Variants in DLC1 observed in about 807,000 individuals in gnomAD.
DLC1 encodes the protein DLC1 Rho GTPase activating protein, also known as rho GTPase-activating protein 7.
A neutral mutation model predicts 140.3 loss-of-function variants in DLC1; 54 were observed. The observed-to-expected ratio is 0.38, with a 90% CI of 0.31 to 0.48. The LOEUF (loss-of-function observed/expected upper bound fraction) is 0.48. Ranked by LOEUF, DLC1 falls within the 20% of genes least tolerant of loss-of-function variation. DLC1 has a pLI of 0.96. For synonymous variants in DLC1, 986 were observed against 728.1 expected (o/e 1.35, Z -5.70); for missense variants, 2,536 against 1,907.0 (o/e 1.33, Z -6.14).
At chr8:13,168,699 A>T (rs1825262705) in intron 5 of DLC1, among the ~76,000 whole-genome samples, 1 of 152,224 alleles carries the variant, frequency 6.6e-6, no homozygotes, top group Non-Finnish European at 1.5e-5. Flanking sequence ...AGGAGAAACA[A>T]TTGGCTGTTT....
At chr8:13,519,888 G>A (rs572343594) in intron 1 of DLC1, among the ~76,000 whole-genome samples, 1 of 152,292 alleles carries the variant, frequency 6.6e-6, no homozygotes, top group Non-Finnish European at 1.5e-5. Context: ...ATCATCTCTG[G>A]TAATTAGAGA....
At chr8:13,601,064 C>T (rs566264327) in intron 1 of DLC1, among the ~76,000 whole-genome samples, 17 of 151,832 alleles carry the variant, frequency 1.1e-4, no homozygotes, top group African/African-American at 3.6e-4. Context: ...GAGCCAATCT[C>T]GTAAAGTCAT....
rs112830394 is a variant in DLC1 at position 13,328,658 on chromosome 8, A to T, written c.1315-23356T>A. ...TTTGAGGGTATCTGAAGCTGGGGAGATGAGGACCTTATATTTTGAGACTTT... is the reference window on the plus strand; with the variant it reads ...TTTGAGGGTATCTGAAGCTGGGGAGTTGAGGACCTTATATTTTGAGACTTT... On this transcript the variant is annotated intron_variant, in intron 4 of 17. Coordinates refer to ENST00000276297, the MANE Select transcript of DLC1 (RefSeq NM_182643.3). Among the ~76,000 whole-genome samples, 208 of 152,120 alleles carry T rather than the reference A, an allele frequency of 1.4e-3. 1 individual carries two copies. The highest frequency in any genetic ancestry group is 4.8e-3 in the African/African-American group (199 of 41,518).
intron 5 of DLC1, among the ~76,000 whole-genome samples, chr8:13,124,103 T>C (rs1202402934): frequency 6.6e-6 from 1 of 152,248 alleles, no homozygotes; most frequent in East Asian, 1.9e-4. Context: ...TATATACCAA[T>C]GTGACCAATT....
At chr8:13,279,319 T>C (rs1370552200) in intron 5 of DLC1, among the ~76,000 whole-genome samples, 1 of 152,200 alleles carries the variant, frequency 6.6e-6, no homozygotes, top group Admixed American at 6.5e-5. Flanking sequence ...AGCAACACAC[T>C]TTCTCTAGGA....
At chr8:13,103,128 G>A (rs1819241655) in intron 7 of DLC1, among the ~76,000 whole-genome samples, 1 of 151,694 alleles carries the variant, frequency 6.6e-6, no homozygotes, top group Admixed American at 6.6e-5. Flanking sequence ...GGCTAACACG[G>A]TGAAACCCCG....
At chr8:13,349,520 C>T (rs965247267) in intron 4 of DLC1, among the ~76,000 whole-genome samples, 2 of 152,202 alleles carry the variant, frequency 1.3e-5, no homozygotes, top group African/African-American at 4.8e-5. Context: ...TCAAACAGAG[C>T]TGGGTCTCAA....
chr8:13,399,580 C>T (rs1586278104), intron 3 of DLC1, among the ~76,000 whole-genome samples: 2 of 152,228 alleles, frequency 1.3e-5, no homozygotes, highest in South Asian at 2.1e-4. Flanking sequence ...GCTATCTCAG[C>T]GAGCCCTAAG....
At chr8:13,228,811 C>T (rs945926627) in intron 5 of DLC1, among the ~76,000 whole-genome samples, 2 of 152,182 alleles carry the variant, frequency 1.3e-5, no homozygotes, top group Admixed American at 6.5e-5. Flanking sequence ...TCCAAATGGT[C>T]GATGAGCATG....
intron 2 of DLC1, among the ~76,000 whole-genome samples, chr8:13,473,899 G>A (rs1800320457): frequency 6.6e-6 from 1 of 152,186 alleles, no homozygotes; most frequent in African/African-American, 2.4e-5. Flanking sequence ...GTTTTATAAA[G>A]AAAGCAGAGT....
At chr8:13,347,975 G>A (rs1834434496) in intron 4 of DLC1, among the ~76,000 whole-genome samples, 1 of 152,118 alleles carries the variant, frequency 6.6e-6, no homozygotes, top group African/African-American at 2.4e-5. Flanking sequence ...TGTAGTCCCA[G>A]CTACTTGGGA....
At chr8:13,237,393 TTATG>T (rs527831482) in intron 5 of DLC1, among the ~76,000 whole-genome samples, 118 of 151,522 alleles carry the variant, frequency 7.8e-4, no homozygotes, top group Non-Finnish European at 1.5e-3. Context: ...GTATTTGTGA[TTATG>T]TATGAACTTC....
At chr8:13,190,503 T>G (rs1484439712) in intron 5 of DLC1, among the ~76,000 whole-genome samples, 1 of 152,204 alleles carries the variant, frequency 6.6e-6, no homozygotes, top group Non-Finnish European at 1.5e-5. Flanking sequence ...ATAGGGTTTA[T>G]GAAGGGTTTT....
chr8:13,299,174 G>A (rs28715941), intron 5 of DLC1, among the ~76,000 whole-genome samples: 4,199 of 152,078 alleles, frequency 0.028, 202 homozygotes, highest in African/African-American at 0.097. Context: ...TGGGTGGGGT[G>A]GCTCATGCCT....
intron 5 of DLC1, among the ~76,000 whole-genome samples, chr8:13,121,183 T>G (rs929262046): frequency 2.6e-5 from 4 of 152,184 alleles, no homozygotes; most frequent in African/African-American, 9.6e-5. Context: ...GATAGACATA[T>G]GGGCAAAGAT....
Position 13,456,918 on chromosome 8 carries a change from C to T in DLC1, c.1023+42131G>A, listed in dbSNP as rs76767778. 9.5e-3 allele frequency among the ~76,000 whole-genome samples: 1,447 copies of T among 152,298 alleles called. 12 individuals are homozygous for T. The highest frequency in any genetic ancestry group is 0.017 in the Admixed American group (265 of 15,292). On this transcript the variant is annotated intron_variant, in intron 2 of 17. Transcript: ENST00000276297. ...TCAAGCTGGAGAAAATCAATTAAATCGGCAGGGTTATCAATGTGGTCAAAT... is the reference window on the plus strand; with the variant it reads ...TCAAGCTGGAGAAAATCAATTAAATTGGCAGGGTTATCAATGTGGTCAAAT...
chr8:13,098,479 G>A lies in DLC1; in HGVS notation c.3087C>T (p.Asn1029=), dbSNP rs1818698329. Reference sequence around the variant, plus strand: ...TTAGGAGTGAGTATTTCTGCAGCAGGTTCATCTGGGCCACAGACTGGCAGT... The same window carrying A: ...TTAGGAGTGAGTATTTCTGCAGCAGATTCATCTGGGCCACAGACTGGCAGT... ...QINCQSVAQM[N]LLQKYSLLKL... The change falls in exon 10 of 18, where the codon AAC becomes AAT. Residue 1029 remains asparagine (N), a synonymous_variant. Coordinates refer to ENST00000276297, the MANE Select transcript of DLC1 (RefSeq NM_182643.3). The A allele has an allele frequency of 6.2e-7, 1 of 1,614,086 alleles. No homozygotes were observed. The highest frequency in any genetic ancestry group is 8.5e-7 in the Non-Finnish European group (1 of 1,180,040).
chr8:13,463,350 A>G (rs1799763465), intron 2 of DLC1, among the ~76,000 whole-genome samples: 2 of 152,184 alleles, frequency 1.3e-5, no homozygotes. Flanking sequence ...GTAAGGTAAC[A>G]GAGATTAATC....
intron 16 of DLC1, among the ~76,000 whole-genome samples, chr8:13,086,992 C>G (rs114065853): frequency 1.3e-5 from 2 of 151,974 alleles, no homozygotes; most frequent in Non-Finnish European, 2.9e-5. Context: ...AAAGTGATAC[C>G]CCCCCATCTC....
Sources: allele counts gnomAD v4.1 joint callset (sites outside exome capture counted in the v4.1 genomes callset), GRCh38; gene constraint gnomAD v4.1.1; transcripts MANE v1.5; gene names NCBI Gene and HGNC (gene_info 2026-07-23, HGNC 2026-07-21).